Variants in ARHGAP22 observed in about 807,000 individuals in gnomAD.
The protein encoded by ARHGAP22 is rho GTPase-activating protein 22.
A neutral mutation model predicts 59.1 loss-of-function variants in ARHGAP22; 48 were observed. That is an observed-to-expected ratio of 0.81 (90% CI 0.64 to 1.03). The LOEUF (loss-of-function observed/expected upper bound fraction) is 1.03. Among genes scored for constraint, ARHGAP22 ranks in the 50% least tolerant of loss-of-function variants. The probability of loss-of-function intolerance (pLI) is 0.00; values close to 1 mark genes in which losing one functional copy is unlikely to be tolerated. For missense variants in ARHGAP22, 1,015 were observed against 958.7 expected (o/e 1.06, Z -0.78); for synonymous variants, 445 against 416.4 (o/e 1.07, Z -0.84).
intron 3 of ARHGAP22, among the ~76,000 whole-genome samples, chr10:48,516,363 C>G (rs993349213): frequency 6.6e-6 from 1 of 151,918 alleles, no homozygotes; most frequent in Non-Finnish European, 1.5e-5. Context: ...CATCTCTAAA[C>G]TTTTTTTCAT....
intron 4 of ARHGAP22, among the ~76,000 whole-genome samples, chr10:48,475,079 C>T (rs1041261277): frequency 1.3e-5 from 2 of 152,186 alleles, no homozygotes; most frequent in Non-Finnish European, 2.9e-5. Context: ...GCTGACACTC[C>T]AATTCCCCTC....
intron 3 of ARHGAP22, among the ~76,000 whole-genome samples, chr10:48,509,728 C>G (rs1020394469): frequency 1.8e-4 from 28 of 152,298 alleles, no homozygotes; most frequent in African/African-American, 6.5e-4. Flanking sequence ...GAGAGGCTCT[C>G]TGAATAAAGG....
chr10:48,531,234 C>T (rs1010885854), intron 3 of ARHGAP22, among the ~76,000 whole-genome samples: 2 of 152,062 alleles, frequency 1.3e-5, no homozygotes, highest in African/African-American at 4.8e-5. Context: ...GATGCAAAGG[C>T]ATAAGAATGA....
intron 3 of ARHGAP22, among the ~76,000 whole-genome samples, chr10:48,507,709 G>A (rs988661189): frequency 5.3e-5 from 8 of 152,088 alleles, no homozygotes; most frequent in Non-Finnish European, 1.5e-5. Context: ...ATGTGCTGAG[G>A]ACACCAGGAC....
At chr10:48,434,897 C>T in the ARHGAP22 span, 1 of 1,613,366 alleles carries the variant, frequency 6.2e-7, no homozygotes, top group South Asian at 1.1e-5. Flanking sequence ...CAGCAGTGAT[C>T]AATGGCTCTC....
intron 1 of ARHGAP22, among the ~76,000 whole-genome samples, chr10:48,627,039 T>G (rs901732104): frequency 4.6e-5 from 7 of 152,134 alleles, no homozygotes; most frequent in African/African-American, 1.7e-4. Flanking sequence ...AACCCCTAAA[T>G]GATGGGGTTC....
chr10:48,564,621 G>C (rs2135424186), intron 2 of ARHGAP22, among the ~76,000 whole-genome samples: 1 of 152,324 alleles, frequency 6.6e-6, no homozygotes, highest in African/African-American at 2.4e-5. Flanking sequence ...CTACTCACGG[G>C]CTGCTGCCAT....
intron 4 of ARHGAP22, among the ~76,000 whole-genome samples, chr10:48,465,593 C>T (rs147502099): frequency 1.3e-5 from 2 of 152,228 alleles, no homozygotes; most frequent in Admixed American, 1.3e-4. Flanking sequence ...TGAGTCCCAC[C>T]CCGAAGGCCG....
intron 2 of ARHGAP22, among the ~76,000 whole-genome samples, chr10:48,564,056 G>A (rs1295403554): frequency 1.3e-5 from 2 of 152,132 alleles, no homozygotes; most frequent in African/African-American, 2.4e-5. Context: ...ATACAGAAAT[G>A]GGCATTCTCA....
At chr10:48,643,199 C>T (rs1409132143) in intron 1 of ARHGAP22, among the ~76,000 whole-genome samples, 1 of 152,102 alleles carries the variant, frequency 6.6e-6, no homozygotes, top group Admixed American at 6.5e-5. Context: ...CAAGGATCTA[C>T]AACTAGAAAT....
At chr10:48,504,794 G>T (rs754039944) in intron 3 of ARHGAP22, among the ~76,000 whole-genome samples, 6 of 152,150 alleles carry the variant, frequency 3.9e-5, no homozygotes, top group Non-Finnish European at 8.8e-5. Context: ...GGATGCAGGT[G>T]GTGACAGGCA....
chr10:48,521,278 C>T (rs1006963610), intron 3 of ARHGAP22, among the ~76,000 whole-genome samples: 10 of 152,278 alleles, frequency 6.6e-5, no homozygotes, highest in Admixed American at 2.0e-4. Flanking sequence ...AATCCCTTCC[C>T]GGACCCACTG....
chr10:48,587,131 G>T (rs3851549), intron 1 of ARHGAP22, among the ~76,000 whole-genome samples: 11,609 of 152,306 alleles, frequency 0.076, 484 homozygotes, highest in Middle Eastern at 0.11. Context: ...AGACAGGTGG[G>T]GTTGTGCCAG....
At chr10:48,531,680 CACCGAAGTACAG>C (rs2054864228) in intron 3 of ARHGAP22, among the ~76,000 whole-genome samples, 1 of 151,382 alleles carries the variant, frequency 6.6e-6, no homozygotes, top group Non-Finnish European at 1.5e-5. Context: ...GAAGTGAGGG[CACCGAAGTACAG>C]AGAAGTGAAG....
intron 3 of ARHGAP22, among the ~76,000 whole-genome samples, chr10:48,514,041 A>G (rs1458589013): frequency 6.6e-6 from 1 of 152,138 alleles, no homozygotes; most frequent in Non-Finnish European, 1.5e-5. Flanking sequence ...CTCTAACAGC[A>G]GATTTGAGCT....
intron 1 of ARHGAP22, among the ~76,000 whole-genome samples, chr10:48,590,666 G>A (rs966078610): frequency 1.3e-5 from 2 of 152,232 alleles, no homozygotes; most frequent in Non-Finnish European, 2.9e-5. Context: ...GTCGCGCTGT[G>A]CCGGGCCATC....
chr10:48,640,650 A>C (rs970359617), intron 1 of ARHGAP22, among the ~76,000 whole-genome samples: 3 of 152,228 alleles, frequency 2.0e-5, no homozygotes, highest in African/African-American at 7.2e-5. Context: ...ATGAAGGCAA[A>C]ATAAAGATAT....
At chr10:48,493,532 A>T (rs1460737948) in intron 3 of ARHGAP22, 4 of 1,532,436 alleles carry the variant, frequency 2.6e-6, no homozygotes, top group Non-Finnish European at 1.7e-6. Context: ...AGCAGTGGCC[A>T]GACACACCTG....
At chr10:48,631,553 G>T (rs1205102764) in intron 1 of ARHGAP22, among the ~76,000 whole-genome samples, 1 of 152,056 alleles carries the variant, frequency 6.6e-6, no homozygotes, top group Admixed American at 6.6e-5. Context: ...TTTTCTTGTT[G>T]CAGTAGATTT....
Sources: gnomAD v4.1 joint callset for allele counts (sites outside exome capture counted in the v4.1 genomes callset) on GRCh38, gnomAD v4.1.1 for gene constraint, MANE v1.5 for transcripts, NCBI Gene and HGNC (gene_info 2026-07-23, HGNC 2026-07-21) for gene names.